Variants in VPS13D observed in about 807,000 individuals in gnomAD.
The protein encoded by VPS13D is intermembrane lipid transfer protein VPS13D.
In VPS13D, 187 loss-of-function variants were observed where a neutral mutation model predicts 461.9. The ratio of observed to expected loss-of-function variants is 0.40; its 90% CI spans 0.36 to 0.46. The LOEUF is 0.46. Ranked by LOEUF, VPS13D falls within the 20% of genes least tolerant of loss-of-function variation. The pLI is 0.60. For missense variants in VPS13D, 4,711 were observed against 5,364.9 expected (o/e 0.88, Z 3.81); for synonymous variants, 1,951 against 1,986.3 (o/e 0.98, Z 0.47).
intron 63 of VPS13D, 35 bp downstream of exon 63, chr1:12,404,008 T>C (rs770112170): frequency 6.4e-7 from 1 of 1,563,304 alleles, no homozygotes; most frequent in Non-Finnish European, 8.6e-7. Context: ...TTTTAGATGA[T>C]TTTTCCTTGG....
rs189598210 is a variant in VPS13D at position 12,348,613 on chromosome 1, T to C, written c.9070-210T>C. ...TCACATCTGAGTGGATTATCTGTTT[T>C]TGTAGAACTTTTTAGAATTTTTTTT... On this transcript the variant is annotated intron_variant, in intron 44 of 69. Coordinates refer to ENST00000620676, the MANE Select transcript of VPS13D (RefSeq NM_015378.4). 4.5e-4 allele frequency among the ~76,000 whole-genome samples: 68 copies of C among 152,314 alleles called. 1 individual carries two copies. In the East Asian group the frequency reaches 5.4e-3, roughly 12 times the overall value.
chr1:12,283,358 A>G lies in VPS13D; in HGVS notation c.5256A>G (p.Glu1752=). ...PTSASRKKQK[E]VQDKDYPLTP... ...CTGCGTCCCGGAAAAAGCAAAAGGA[A>G]GTCCAAGACAAGGACTATCCCTTGA... Residue 1752 remains glutamate (E), a synonymous_variant, in exon 21 of 70, where the codon GAA becomes GAG. Coordinates refer to ENST00000620676, the MANE Select transcript of VPS13D (RefSeq NM_015378.4). 1 of 1,614,160 alleles carries G rather than the reference A, an allele frequency of 6.2e-7. No homozygotes were observed. Among genetic ancestry groups the G allele is most frequent in the Non-Finnish European group, 8.5e-7 (1 of 1,180,028 alleles).
At chr1:12,428,595 GC>G (rs1037046198) in intron 65 of VPS13D, among the ~76,000 whole-genome samples, 4 of 152,104 alleles carry the variant, frequency 2.6e-5, no homozygotes, top group African/African-American at 7.2e-5. Flanking sequence ...TGATTGGGGT[GC>G]CCTTCTCTGT....
intron 44 of VPS13D, among the ~76,000 whole-genome samples, chr1:12,347,782 C>CACTCATTCT (rs1643707681): frequency 6.6e-6 from 1 of 152,198 alleles, no homozygotes; most frequent in Admixed American, 6.5e-5. Context: ...ATGTTCTGGA[C>CACTCATTCT]ACTCATTCTA....
rs1644230761 is a variant in VPS13D, at chr1:12,378,421, T to C, written c.10918-7T>C. 6.3e-7 allele frequency: 1 copy of C among 1,595,744 alleles called. No homozygotes were observed. The highest frequency in any genetic ancestry group is 1.4e-5 in the African/African-American group (1 of 73,942). On this transcript the variant is annotated splice_region_variant and splice_polypyrimidine_tract_variant and intron_variant, in intron 55 of 69. Coordinates refer to ENST00000620676, the MANE Select transcript of VPS13D (RefSeq NM_015378.4). ...TCTTTCTCTTTTTGCTTGTACCTAC[T>C]TAACAGGAACCAGGAAAGCGTTCTC...
In VPS13D at chr1:12,271,046, A is replaced by G. The variant is rs1435344138; in HGVS notation, c.2025A>G (p.Arg675=). 3.1e-6 allele frequency: 5 copies of G among 1,613,846 alleles called. No individual in the cohort carries two copies. In the Admixed American group the frequency reaches 6.7e-5, roughly 22 times the overall value. Residue 675 remains arginine, a synonymous_variant, in exon 17 of 70, where the codon AGA becomes AGG. Transcript: ENST00000620676. ...LELRVAEAAR[R]QYNKLKMQTK... ...TGAGAGTGGCTGAAGCTGCCCGAAGACAATATAACAAGCTGAAGATGCAGA... is the reference window on the plus strand; with the variant it reads ...TGAGAGTGGCTGAAGCTGCCCGAAGGCAATATAACAAGCTGAAGATGCAGA...
intron 32 of VPS13D, among the ~76,000 whole-genome samples, chr1:12,320,356 A>G (rs1438065254): frequency 6.6e-6 from 1 of 152,222 alleles, no homozygotes; most frequent in African/African-American, 2.4e-5. Context: ...TACTTGACTC[A>G]TCTCAGCTCA....
intron 24 of VPS13D, among the ~76,000 whole-genome samples, chr1:12,297,568 G>T (rs1327997620): frequency 3.3e-5 from 5 of 152,194 alleles, no homozygotes; most frequent in African/African-American, 7.2e-5. Context: ...GGAATACGGA[G>T]ATAGCAGAAT....
chr1:12,235,693 C>T (rs1640126775), intron 2 of VPS13D, among the ~76,000 whole-genome samples: 1 of 152,226 alleles, frequency 6.6e-6, no homozygotes, highest in African/African-American at 2.4e-5. Context: ...CTCTTCCTTT[C>T]CTTTCCTATT....
At position 12,509,566 on chromosome 1, in the gene VPS13D, G is replaced by A. The variant is rs1220439065; in HGVS notation, c.*542G>A. On this transcript the variant is annotated 3_prime_UTR_variant, in exon 70 of 70. Coordinates refer to ENST00000620676, the MANE Select transcript of VPS13D (RefSeq NM_015378.4). ...TAAAGTGGGTTGAGGTGAGGGCTGT[G>A]GTCCTGAAAGGGACGCCTTTGACAT... The A allele has an allele frequency of 1.3e-5, 2 of 152,450 alleles. No homozygotes were observed. Among genetic ancestry groups the A allele is most frequent in the African/African-American group, 4.8e-5 (2 of 41,462 alleles). The allele number at this position is 152,450 out of a possible 1,614,324, so 9.4% of individuals were successfully genotyped here.
intron 60 of VPS13D, among the ~76,000 whole-genome samples, chr1:12,396,970 G>T (rs915681980): frequency 3.3e-5 from 5 of 152,156 alleles, no homozygotes; most frequent in African/African-American, 1.2e-4. Context: ...GTCTCACTCT[G>T]TCGCCCAGGC....
Position 12,342,317 on chromosome 1 carries a change from C to G in VPS13D, c.8732+432C>G, listed in dbSNP as rs544538878. 3.3e-5 allele frequency among the ~76,000 whole-genome samples: 5 copies of G among 152,326 alleles called. No individual in the cohort carries two copies. In the South Asian group the frequency reaches 1.0e-3, roughly 32 times the overall value. ...CTAAAGAATTCTTTCATACCTAAAA[C>G]GCACTTCAACCCAGATGGAATTGGG... On this transcript the variant is annotated intron_variant, in intron 41 of 69. Transcript: ENST00000620676.
At chr1:12,330,734 T>C (rs1167594207) in intron 37 of VPS13D, among the ~76,000 whole-genome samples, 1 of 151,490 alleles carries the variant, frequency 6.6e-6, no homozygotes, top group Non-Finnish European at 1.5e-5. Context: ...GCCCAGCTAA[T>C]TTTTTGTATT....
At chr1:12,356,893 G>A (rs1643890644) in intron 49 of VPS13D, among the ~76,000 whole-genome samples, 1 of 152,196 alleles carries the variant, frequency 6.6e-6, no homozygotes, top group Admixed American at 6.5e-5. Flanking sequence ...ATGGACATAG[G>A]CTGGTTCTTT....
intron 63 of VPS13D, 73 bp downstream of exon 63, chr1:12,404,046 T>G: frequency 7.1e-7 from 1 of 1,416,382 alleles, no homozygotes. Flanking sequence ...TACTATTTGT[T>G]GTTTGTTGTT....
intron 26 of VPS13D, among the ~76,000 whole-genome samples, chr1:12,305,489 A>G (rs1023789807): frequency 7.2e-5 from 11 of 151,966 alleles, no homozygotes; most frequent in African/African-American, 1.9e-4. Context: ...GGGTTTTGCT[A>G]TGTTGCTCAG....
chr1:12,308,241 A>C (rs917171122), intron 26 of VPS13D, among the ~76,000 whole-genome samples, 190 bp from the exon 27 acceptor site: 1 of 152,124 alleles, frequency 6.6e-6, no homozygotes, highest in African/African-American at 2.4e-5. Flanking sequence ...GGAGCTTTGC[A>C]TAAGGAGGTC....
At chr1:12,396,086 G>A (rs1427160912) in intron 60 of VPS13D, among the ~76,000 whole-genome samples, 2 of 147,608 alleles carry the variant, frequency 1.4e-5, no homozygotes, top group Non-Finnish European at 3.0e-5. Context: ...AGGAGAAAAA[G>A]AGAAGACATA....
At chr1:12,441,345 C>G (rs906570505) in intron 65 of VPS13D, among the ~76,000 whole-genome samples, 31 of 152,282 alleles carry the variant, frequency 2.0e-4, no homozygotes, top group African/African-American at 7.2e-4. Context: ...CAGGCACTGT[C>G]CGGGGCGGGG....
Sources: allele counts gnomAD v4.1 joint callset (sites outside exome capture counted in the v4.1 genomes callset), GRCh38; gene constraint gnomAD v4.1.1; transcripts MANE v1.5; gene names NCBI Gene and HGNC (gene_info 2026-07-23, HGNC 2026-07-21).